The following GMEB2 variants were observed in gnomAD, a reference collection of about 807,000 sequenced individuals.
GMEB2 encodes the protein glucocorticoid modulatory element-binding protein 2.
A neutral mutation model predicts 45.7 loss-of-function variants in GMEB2; 7 were observed. That is an observed-to-expected ratio of 0.15 (90% CI 0.09 to 0.29). The LOEUF is 0.29. Ranked by LOEUF, GMEB2 falls within the 10% of genes least tolerant of loss-of-function variation. GMEB2 has a pLI of 1.00. For synonymous variants in GMEB2, 322 were observed against 323.6 expected (o/e 1.00, Z 0.05); for missense variants, 582 against 739.2 (o/e 0.79, Z 2.47).
In GMEB2 at chr20:63,589,541, G is replaced by T; in HGVS notation, c.*548C>A. On this transcript the variant is annotated 3_prime_UTR_variant, in exon 10 of 10. Coordinates refer to ENST00000370077, the MANE Select transcript of GMEB2 (RefSeq NM_012384.5). The stretch of plus-strand genomic sequence containing the variant: ...TGCATGTTCCCAACTGGAGGAGAAC[G>T]GGGCGCCAGCCACACTAAACCTACA... The T allele has an allele frequency of 4.5e-6, 1 of 222,382 alleles. No homozygotes were observed. The highest frequency in any genetic ancestry group is 1.9e-4 in the South Asian group (1 of 5,402). 13.8% of individuals were successfully genotyped at this position (222,382 alleles called of 1,614,324 possible). A position where few individuals can be genotyped will look rare whatever the true frequency, so the allele number is the denominator to read the frequency against.
intron 2 of GMEB2, among the ~76,000 whole-genome samples, chr20:63,606,908 G>A (rs1458997486): frequency 1.3e-5 from 2 of 152,208 alleles, no homozygotes; most frequent in African/African-American, 4.8e-5. Context: ...AGGAACCAGC[G>A]TTACCACGCG....
chr20:63,605,226 G>A lies in GMEB2; in HGVS notation c.132-386C>T, dbSNP rs375533765. Among the ~76,000 whole-genome samples, 137 of 145,328 alleles carry A rather than the reference G, an allele frequency of 9.4e-4. No individual in the cohort carries two copies. The South Asian group carries it at 0.028, about 30-fold the overall frequency. On this transcript the variant is annotated intron_variant, in intron 2 of 9. Coordinates refer to ENST00000370077, the MANE Select transcript of GMEB2 (RefSeq NM_012384.5). ...TGCACTCCAGCCTGGGTGAGAGAGC[G>A]AGACTCTGTCTCAAAAAACAAAAAG...
intron 2 of GMEB2, among the ~76,000 whole-genome samples, chr20:63,613,997 C>A (rs1474835854): frequency 1.3e-5 from 2 of 151,936 alleles, no homozygotes; most frequent in Non-Finnish European, 2.9e-5. Context: ...GGTAAAGAGA[C>A]CCCCTAGGAT....
Position 63,613,387 on chromosome 20 carries a change from G to A in GMEB2, c.131+5880C>T, listed in dbSNP as rs147740141. ...CAGCCTCCAGGGCACTGCGCCAGCC[G>A]TGCGCCTGTGTCTGCCACTGCCCTG... On this transcript the variant is annotated intron_variant, in intron 2 of 9. Transcript: ENST00000370077. 8.3e-3 allele frequency among the ~76,000 whole-genome samples: 1,260 copies of A among 152,344 alleles called. 9 individuals are homozygous for A. The highest frequency in any genetic ancestry group is 0.02 in the Admixed American group (301 of 15,300).
intron 2 of GMEB2, among the ~76,000 whole-genome samples, chr20:63,609,106 C>T (rs2089546235): frequency 9.3e-6 from 1 of 107,778 alleles, no homozygotes; most frequent in Non-Finnish European, 2.1e-5. Context: ...CCCCTCTGAC[C>T]CACCTCCATT....
intron 9 of GMEB2, among the ~76,000 whole-genome samples, chr20:63,591,723 C>T (rs1386284741): frequency 6.6e-6 from 1 of 152,232 alleles, no homozygotes. Context: ...CCTCGGCCTC[C>T]CAAAGCGCTG....
In GMEB2 at chr20:63,590,162, G is replaced by A; in HGVS notation, c.1520C>T (p.Ala507Val). 6.3e-7 allele frequency: 1 copy of A among 1,585,052 alleles called. No individual in the cohort carries two copies. The stretch of plus-strand genomic sequence containing the variant: ...CGTGTGCTCCTCAGGCCCGGGGGCA[G>A]CCCCTGCGGGCACTGTCACAATTGT... Reference protein sequence around the residue: ...SSTIVTVPAGAAPGPEEHTAT... With the variant: ...SSTIVTVPAGVAPGPEEHTAT... The change falls in exon 10 of 10, where the codon GCT becomes GTT. Residue 507 changes from alanine (A) to valine (V), a missense_variant. Coordinates refer to ENST00000370077, the MANE Select transcript of GMEB2 (RefSeq NM_012384.5).
chr20:63,595,852 C>A (rs1335582702), intron 5 of GMEB2, 85 bp from the exon 6 acceptor site: 4 of 1,276,464 alleles, frequency 3.1e-6, no homozygotes, highest in Non-Finnish European at 4.5e-6. Context: ...GGGCCATCCA[C>A]CTGCGTGGGG....
chr20:63,610,681 G>A (rs976386351), intron 2 of GMEB2, among the ~76,000 whole-genome samples: 1 of 152,218 alleles, frequency 6.6e-6, no homozygotes, highest in African/African-American at 2.4e-5. Flanking sequence ...TCTCAGAGAA[G>A]AAGGCGCATG....
In GMEB2 at chr20:63,610,831, T is replaced by C. The variant is rs141753335; in HGVS notation, c.132-5991A>G. Among the ~76,000 whole-genome samples, 1,028 of 152,084 alleles carry C rather than the reference T, an allele frequency of 6.8e-3. 12 individuals are homozygous for C. Among genetic ancestry groups the C allele is most frequent in the African/African-American group, 0.023 (961 of 41,484 alleles). ...AGACAGGGGGCTATTTCCCACCCCC[T>C]CCACTTGACTTTGGGCCAAGCTTTG... On this transcript the variant is annotated intron_variant, in intron 2 of 9. Transcript: ENST00000370077.
At position 63,588,505 on chromosome 20, in the gene GMEB2, GCTGA is replaced by G. The variant is rs1236856635; in HGVS notation, c.*1580_*1583del. The stretch of plus-strand genomic sequence containing the variant: ...AAAGATCAACATCACGCCGAAACCA[GCTGA>G]CTGTGACAACAGCAAACAAAAATGT... On this transcript the variant is annotated 3_prime_UTR_variant, in exon 10 of 10. Transcript: ENST00000370077. 2 of 378,398 alleles carry G rather than the reference GCTGA, an allele frequency of 5.3e-6. No individual in the cohort carries two copies. The highest frequency in any genetic ancestry group is 9.4e-6 in the Non-Finnish European group (2 of 213,500). The allele number at this position is 378,398 out of a possible 1,614,324, so 23.4% of individuals were successfully genotyped here.
Position 63,627,020 on chromosome 20 carries a change from GGCGGGCGGCGGCGGCGGCC to G in GMEB2, c.-141_-123del, listed in dbSNP as rs1172494239. The G allele has an allele frequency of 6.7e-6, 1 of 150,320 alleles. No individual in the cohort carries two copies. The highest frequency in any genetic ancestry group is 2.4e-5 in the African/African-American group (1 of 40,844). The allele number at this position is 150,320 out of a possible 1,614,324, so 9.3% of individuals were successfully genotyped here. A position where few individuals can be genotyped will look rare whatever the true frequency, so the allele number is the denominator to read the frequency against. ...CGGCGGCGTCGGGAGCTGCGGCGGC[GGCGGGCGGCGGCGGCGGCC>G]GCGGGCTTCGCTCCTTGTTGGGGAT... On this transcript the variant is annotated 5_prime_UTR_variant, in exon 1 of 10. Transcript: ENST00000370077.
chr20:63,612,616 T>C (rs2089579074), intron 2 of GMEB2, among the ~76,000 whole-genome samples: 1 of 152,212 alleles, frequency 6.6e-6, no homozygotes, highest in Non-Finnish European at 1.5e-5. Flanking sequence ...GTGATGTCGC[T>C]TGCGTCAATC....
Position 63,588,952 on chromosome 20 carries a change from C to T in GMEB2, c.*1137G>A, listed in dbSNP as rs980975604. The stretch of plus-strand genomic sequence containing the variant: ...CCAGACAGGCTCTGGGCTCCACCTT[C>T]GGCAGCTGCCCTGAGCAGCCCACCC... On this transcript the variant is annotated 3_prime_UTR_variant, in exon 10 of 10. Transcript: ENST00000370077. 1.5e-5 allele frequency: 6 copies of T among 398,872 alleles called. No individual in the cohort carries two copies. Among genetic ancestry groups the T allele is most frequent in the Admixed American group, 1.3e-4 (3 of 22,720 alleles). 24.7% of individuals were successfully genotyped at this position (398,872 alleles called of 1,614,324 possible). A position where few individuals can be genotyped will look rare whatever the true frequency, so the allele number is the denominator to read the frequency against.
At chr20:63,607,206 C>CA (rs2089527041) in intron 2 of GMEB2, among the ~76,000 whole-genome samples, 1 of 128,996 alleles carries the variant, frequency 7.8e-6, no homozygotes, top group African/African-American at 2.9e-5. Flanking sequence ...TCTGACCCAC[C>CA]TCCATTTCTA....
At position 63,619,636 on chromosome 20, in the gene GMEB2, A is replaced by T; in HGVS notation, c.-57-182T>A. On this transcript the variant is annotated intron_variant, in intron 1 of 9. Coordinates refer to ENST00000370077, the MANE Select transcript of GMEB2 (RefSeq NM_012384.5). The surrounding 1 kb of genome is among the most constrained non-coding windows in gnomAD (Gnocchi z 4.6). ...AGGCTCTGGTTCCGAGGGCGGTGTA[A>T]GCGCACTCCACCCGTTTTTCCCACT... The T allele has an allele frequency of 2.6e-6, 1 of 383,642 alleles. No homozygotes were observed. Among genetic ancestry groups the T allele is most frequent in the Non-Finnish European group, 4.8e-6 (1 of 208,904 alleles). The allele number at this position is 383,642 out of a possible 1,614,324, so 23.8% of individuals were successfully genotyped here. A position where few individuals can be genotyped will look rare whatever the true frequency, so the allele number is the denominator to read the frequency against.
chr20:63,589,275 G>A lies in GMEB2; in HGVS notation c.*814C>T, dbSNP rs2083121668. 2 of 398,506 alleles carry A rather than the reference G, an allele frequency of 5.0e-6. No homozygotes were observed. Among genetic ancestry groups the A allele is most frequent in the African/African-American group, 2.1e-5 (1 of 48,636 alleles). 24.7% of individuals were successfully genotyped at this position (398,506 alleles called of 1,614,324 possible). ...CACCCGGTCAAGTGCACTCACAGGG[G>A]CTCAGGGGCCACCCAAAGAGCTAAC... On this transcript the variant is annotated 3_prime_UTR_variant, in exon 10 of 10. Transcript: ENST00000370077.
At chr20:63,616,640 C>T (rs965388933) in intron 2 of GMEB2, among the ~76,000 whole-genome samples, 4 of 152,204 alleles carry the variant, frequency 2.6e-5, no homozygotes, top group Middle Eastern at 3.2e-3. Flanking sequence ...AGTTTATACC[C>T]CAAATCCGTA....
intron 9 of GMEB2, among the ~76,000 whole-genome samples, chr20:63,591,267 C>T (rs993368473): frequency 1.3e-5 from 2 of 152,116 alleles, no homozygotes; most frequent in African/African-American, 2.4e-5. Flanking sequence ...ACACTGAATA[C>T]ACACACACTG....
Sources: allele counts gnomAD v4.1 joint callset (sites outside exome capture counted in the v4.1 genomes callset), GRCh38; gene constraint gnomAD v4.1.1; non-coding constraint Gnocchi (gnomAD v3.1); transcripts MANE v1.5; gene names NCBI Gene and HGNC (gene_info 2026-07-23, HGNC 2026-07-21).